Variants in DAB1 observed in about 807,000 individuals in gnomAD.
DAB1 encodes DAB adaptor protein 1, also known as disabled homolog 1.
A neutral mutation model predicts 64.6 loss-of-function variants in DAB1; 15 were observed. The ratio of observed to expected loss-of-function variants is 0.23; its 90% CI spans 0.16 to 0.36. The LOEUF is 0.36. Ranked by LOEUF, DAB1 falls within the 10% of genes least tolerant of loss-of-function variation. The probability of loss-of-function intolerance (pLI) is 1.00; values close to 1 mark genes in which losing one functional copy is unlikely to be tolerated. For missense variants in DAB1, 596 were observed against 706.7 expected (o/e 0.84, Z 1.78); for synonymous variants, 235 against 251.9 (o/e 0.93, Z 0.64).
At chr1:57,976,068 G>A (rs1040701254) in intron 5 of DAB1, among the ~76,000 whole-genome samples, 4 of 152,182 alleles carry the variant, frequency 2.6e-5, no homozygotes, top group Non-Finnish European at 5.9e-5. Context: ...CCAAGTCTTA[G>A]AGCACCAAGC....
At chr1:58,015,526 A>G (rs1019350115) in intron 5 of DAB1, among the ~76,000 whole-genome samples, 2 of 152,110 alleles carry the variant, frequency 1.3e-5, no homozygotes, top group African/African-American at 4.8e-5. Flanking sequence ...AAGACTACCC[A>G]TGACAAGCTT....
chr1:57,645,850 A>G lies in DAB1; in HGVS notation n.625+3742T>C, dbSNP rs138840609. Among the ~76,000 whole-genome samples, 146 of 152,302 alleles carry G rather than the reference A, an allele frequency of 9.6e-4. 1 individual carries two copies. In the South Asian group the frequency reaches 0.015, roughly 15 times the overall value. On this transcript the variant is annotated intron_variant and non_coding_transcript_variant, in intron 7 of 20. Coordinates refer to the DAB1 transcript ENST00000485760. ...AACAGAGAAGAAAGGGGAAATTACC[A>G]CCTGGTTAAGAGCCCTCTCGAAGTT... is the stretch of plus-strand genomic sequence containing the variant.
intron 7 of DAB1, among the ~76,000 whole-genome samples, chr1:57,624,805 A>C (rs1269584744): frequency 6.6e-6 from 1 of 152,230 alleles, no homozygotes; most frequent in Admixed American, 6.5e-5. Flanking sequence ...GTTTTCCTAC[A>C]TATGCTGGCA....
At chr1:58,145,163 T>G (rs1321763786) in intron 5 of DAB1, among the ~76,000 whole-genome samples, 2 of 152,202 alleles carry the variant, frequency 1.3e-5, no homozygotes, top group African/African-American at 4.8e-5. Flanking sequence ...CCAAGGAATA[T>G]CCACGCAGAC....
rs1649340154 is a variant in DAB1 at position 58,072,528 on chromosome 1, C to G, written n.387+77983G>C. Among the ~76,000 whole-genome samples, 3 of 152,202 alleles carry G rather than the reference C, an allele frequency of 2.0e-5. No homozygotes were observed. In the South Asian group the frequency reaches 6.2e-4, roughly 32 times the overall value. ...AAGATGGGAGTAACAAGACCTCACCCACAGAGTTGCTGTGAGAATTATGTG... is the reference window on the plus strand; with the variant it reads ...AAGATGGGAGTAACAAGACCTCACCGACAGAGTTGCTGTGAGAATTATGTG... On this transcript the variant is annotated intron_variant and non_coding_transcript_variant, in intron 5 of 20. Transcript: ENST00000485760.
At chr1:58,357,351 A>G (rs1475421812) in intron 3 of DAB1, among the ~76,000 whole-genome samples, 1 of 152,306 alleles carries the variant, frequency 6.6e-6, no homozygotes, top group East Asian at 1.9e-4. Context: ...ATTCAAAAAT[A>G]GCATGACCAT....
At chr1:57,597,079 C>T (rs1048680798) in intron 7 of DAB1, among the ~76,000 whole-genome samples, 2 of 152,224 alleles carry the variant, frequency 1.3e-5, no homozygotes, top group Admixed American at 6.5e-5. Context: ...TTCGCACCAA[C>T]ACCCCCGCTC....
intron 5 of DAB1, among the ~76,000 whole-genome samples, chr1:58,023,504 C>T (rs188359995): frequency 6.2e-4 from 95 of 152,148 alleles, no homozygotes; most frequent in South Asian, 3.3e-3. Context: ...TAATCTAATA[C>T]GCAGACAGAG....
intron 5 of DAB1, among the ~76,000 whole-genome samples, chr1:58,051,135 GT>G (rs1647629261): frequency 6.6e-6 from 1 of 151,998 alleles, no homozygotes; most frequent in Admixed American, 6.6e-5. Context: ...TGCCATGTTG[GT>G]TTGCTGCACC....
chr1:57,600,396 C>A (rs115590943), intron 7 of DAB1, among the ~76,000 whole-genome samples: 1 of 152,166 alleles, frequency 6.6e-6, no homozygotes, highest in Admixed American at 6.5e-5. Flanking sequence ...ATTGTTGAGA[C>A]GGAAAGCTTT....
intron 4 of DAB1, among the ~76,000 whole-genome samples, chr1:58,168,395 C>G (rs1655980541): frequency 6.6e-6 from 1 of 152,140 alleles, no homozygotes; most frequent in Non-Finnish European, 1.5e-5. Context: ...CCCGTCTATG[C>G]TATCTATCCT....
At chr1:57,201,165 T>TATA (rs1665066362) in intron 2 of DAB1, among the ~76,000 whole-genome samples, 1 of 152,198 alleles carries the variant, frequency 6.6e-6, no homozygotes, top group African/African-American at 2.4e-5. Flanking sequence ...GAGACCACCT[T>TATA]GCTATAGGGT....
intron 3 of DAB1, among the ~76,000 whole-genome samples, chr1:58,469,601 A>T (rs1249014885): frequency 6.6e-6 from 1 of 152,090 alleles, no homozygotes; most frequent in East Asian, 1.9e-4. Context: ...CACACCCATC[A>T]CTCTTTCTAA....
At chr1:57,383,929 C>T (rs945159792) in intron 1 of DAB1, among the ~76,000 whole-genome samples, 2 of 152,112 alleles carry the variant, frequency 1.3e-5, no homozygotes, top group African/African-American at 2.4e-5. Flanking sequence ...AAATTTAAAA[C>T]ATCTATGCAT....
Position 57,071,513 on chromosome 1 carries a change from C to T in DAB1, c.558+9G>A. 6.2e-7 allele frequency: 1 copy of T among 1,604,960 alleles called. No individual in the cohort carries two copies. Among genetic ancestry groups the T allele is most frequent in the Non-Finnish European group, 8.5e-7 (1 of 1,178,178 alleles). Reference sequence around the variant, plus strand: ...GATCTCCAGCGCAAGGATAAATTCACAGGTATACCTGGTACACAGCTTGTT... The same window carrying T: ...GATCTCCAGCGCAAGGATAAATTCATAGGTATACCTGGTACACAGCTTGTT... On this transcript the variant is annotated intron_variant, in intron 6 of 14. Transcript: ENST00000371236.
At chr1:57,783,605 T>C (rs1376204858) in intron 6 of DAB1, among the ~76,000 whole-genome samples, 1 of 152,212 alleles carries the variant, frequency 6.6e-6, no homozygotes, top group Non-Finnish European at 1.5e-5. Flanking sequence ...GATACTGTAT[T>C]TTTTACAAAT....
At chr1:57,898,077 G>T (rs1644418476) in intron 5 of DAB1, among the ~76,000 whole-genome samples, 1 of 152,098 alleles carries the variant, frequency 6.6e-6, no homozygotes. Flanking sequence ...ACCCCATAAA[G>T]ACTCTCCCCT....
intron 1 of DAB1, among the ~76,000 whole-genome samples, chr1:57,300,336 G>A (rs1673538564): frequency 6.6e-6 from 1 of 152,184 alleles, no homozygotes; most frequent in African/African-American, 2.4e-5. Flanking sequence ...TGGTATGAGA[G>A]AAATCATAGG....
intron 2 of DAB1, among the ~76,000 whole-genome samples, chr1:57,275,217 A>G (rs1671364883): frequency 6.6e-6 from 1 of 152,214 alleles, no homozygotes; most frequent in Non-Finnish European, 1.5e-5. Flanking sequence ...AATTTCCAGT[A>G]GACCTGGCCT....
Sources: gnomAD v4.1 joint callset for allele counts (sites outside exome capture counted in the v4.1 genomes callset) on GRCh38, gnomAD v4.1.1 for gene constraint, MANE v1.5 for transcripts, NCBI Gene and HGNC (gene_info 2026-07-23, HGNC 2026-07-21) for gene names.